Variants in GABRB1 observed in about 807,000 individuals in gnomAD.
GABRB1 encodes the protein gamma-aminobutyric acid type A receptor subunit beta1, also known as gamma-aminobutyric acid receptor subunit beta-1.
In GABRB1, 17 loss-of-function variants were observed where a neutral mutation model predicts 51.6. The observed-to-expected ratio is 0.33, with a 90% CI of 0.23 to 0.49. The LOEUF is 0.49. GABRB1 is among the 20% of genes least tolerant of loss of function. The probability of loss-of-function intolerance (pLI) is 0.99; values close to 1 mark genes in which losing one functional copy is unlikely to be tolerated. For missense variants in GABRB1, 410 were observed against 600.6 expected, an observed-to-expected ratio of 0.68 and a Z score of 3.32; for synonymous variants, 247 against 218.9, an observed-to-expected ratio of 1.13 and a Z score of -1.14.
chr4:47,129,718 A>G (rs1716325225), intron 3 of GABRB1, among the ~76,000 whole-genome samples: 1 of 152,230 alleles, frequency 6.6e-6, no homozygotes, highest in South Asian at 2.1e-4. Context: ...ACTTAAACCA[A>G]GAACAAAGTA....
At chr4:47,335,571 A>G (rs1470962708) in intron 5 of GABRB1, among the ~76,000 whole-genome samples, 1 of 152,132 alleles carries the variant, frequency 6.6e-6, no homozygotes, top group Non-Finnish European at 1.5e-5. Context: ...GTACAGTTAC[A>G]ATAAAACTAA....
At chr4:47,019,940 A>ACG (rs1349840476) in intron 1 of GABRB1, among the ~76,000 whole-genome samples, 3 of 150,504 alleles carry the variant, frequency 2.0e-5, no homozygotes, top group South Asian at 2.1e-4. Context: ...GTATACGTAT[A>ACG]TGTATATGTA....
chr4:47,116,225 T>A (rs761322768), intron 3 of GABRB1, among the ~76,000 whole-genome samples: 1 of 151,162 alleles, frequency 6.6e-6, no homozygotes, highest in East Asian at 1.9e-4. Flanking sequence ...TTGATTTGTG[T>A]TTTTTTTTCC....
At chr4:47,041,517 A>T (rs138776630) in intron 3 of GABRB1, among the ~76,000 whole-genome samples, 2 of 152,150 alleles carry the variant, frequency 1.3e-5, no homozygotes, top group East Asian at 3.9e-4. Flanking sequence ...GAAAAATTAG[A>T]GGTTAGATGC....
At chr4:47,081,853 G>A (rs1727861621) in intron 3 of GABRB1, among the ~76,000 whole-genome samples, 1 of 152,046 alleles carries the variant, frequency 6.6e-6, no homozygotes, top group Non-Finnish European at 1.5e-5. Context: ...GGGGAAAAAT[G>A]AATTAAGCTT....
chr4:47,072,860 CTTAAA>C (rs901481020), intron 3 of GABRB1, among the ~76,000 whole-genome samples: 1 of 152,122 alleles, frequency 6.6e-6, no homozygotes, highest in Non-Finnish European at 1.5e-5. Context: ...TTTGGCAACA[CTTAAA>C]TTAATGCTGC....
intron 4 of GABRB1, among the ~76,000 whole-genome samples, chr4:47,277,841 A>C (rs2109902569): frequency 6.6e-6 from 1 of 152,220 alleles, no homozygotes; most frequent in South Asian, 2.1e-4. Flanking sequence ...CATTACTTTA[A>C]AAGTATATAT....
intron 3 of GABRB1, among the ~76,000 whole-genome samples, chr4:47,036,900 GA>G (rs1324236910): frequency 5.9e-5 from 9 of 151,420 alleles, no homozygotes; most frequent in Non-Finnish European, 1.3e-4. Context: ...GAAAAGTAAA[GA>G]AAAAAAGAAA....
intron 4 of GABRB1, among the ~76,000 whole-genome samples, chr4:47,246,299 T>TATATATATATATATACACACAC (rs1329276891): frequency 1.2e-5 from 1 of 84,170 alleles, no homozygotes; most frequent in African/African-American, 4.7e-5. Flanking sequence ...TATATATATA[T>TATATATATATATATACACACAC]ACACACACAC....
chr4:47,024,174 G>C (rs1008823886), intron 1 of GABRB1, among the ~76,000 whole-genome samples: 1 of 151,638 alleles, frequency 6.6e-6, no homozygotes, highest in African/African-American at 2.4e-5. Context: ...TGTTCTTCTT[G>C]TTGTGTACTC....
chr4:47,276,824 G>A (rs975389179), intron 4 of GABRB1, among the ~76,000 whole-genome samples: 1 of 151,990 alleles, frequency 6.6e-6, no homozygotes. Context: ...CTACCCACTC[G>A]AAGCCAGTAG....
chr4:47,168,554 C>T (rs753055601), intron 4 of GABRB1, among the ~76,000 whole-genome samples: 5 of 152,038 alleles, frequency 3.3e-5, no homozygotes, highest in Non-Finnish European at 5.9e-5. Context: ...AGATTACCTG[C>T]TTTTAGGGTT....
At chr4:47,038,189 C>G (rs969968499) in intron 3 of GABRB1, among the ~76,000 whole-genome samples, 7 of 152,144 alleles carry the variant, frequency 4.6e-5, no homozygotes, top group African/African-American at 1.7e-4. Flanking sequence ...GAGTCAATCA[C>G]AAGAATTTAT....
rs1577955356 is a variant in GABRB1 at position 47,152,325 on chromosome 4, A to C, written c.241-8924A>C. Among the ~76,000 whole-genome samples the C allele has an allele frequency of 2.0e-5, 3 of 152,110 alleles. No homozygotes were observed. The South Asian group carries it at 6.2e-4, about 32-fold the overall frequency. ...CAACTGATGCATTTGATCATTTGCT[A>C]TCCACTGTACACTATGCCAGGGCCC... On this transcript the variant is annotated intron_variant, in intron 3 of 8. Transcript: ENST00000295454.
intron 3 of GABRB1, among the ~76,000 whole-genome samples, chr4:47,037,956 T>C (rs879505344): frequency 2.0e-5 from 3 of 152,106 alleles, no homozygotes; most frequent in African/African-American, 4.8e-5. Flanking sequence ...ACTAGACTAG[T>C]AAAAAATAGC....
chr4:47,223,430 A>G (rs1356827074), intron 4 of GABRB1, among the ~76,000 whole-genome samples: 1 of 152,144 alleles, frequency 6.6e-6, no homozygotes, highest in Non-Finnish European at 1.5e-5. Flanking sequence ...CATAAATGTA[A>G]TGCAGCTATA....
At chr4:47,108,213 G>C (rs1039302322) in intron 3 of GABRB1, among the ~76,000 whole-genome samples, 5 of 152,112 alleles carry the variant, frequency 3.3e-5, no homozygotes, top group Admixed American at 1.3e-4. Context: ...AGGTTTCAGA[G>C]GCCATGGAAT....
intron 8 of GABRB1, among the ~76,000 whole-genome samples, chr4:47,420,967 CACACACACACAG>C (rs897353129): frequency 2.1e-4 from 32 of 149,044 alleles, no homozygotes; most frequent in African/African-American, 7.9e-4. Flanking sequence ...CACACACACA[CACACACACACAG>C]AGTCTGTTAA....
exon 1 of GABRB1, chr4:46,993,842 C>T (rs796447772): frequency 2.0e-4 from 41 of 206,836 alleles, no homozygotes; most frequent in African/African-American, 9.4e-4. Flanking sequence ...GCTCCCCGCC[C>T]ACAGCAGTGT....
Sources: gnomAD v4.1 joint callset for allele counts (sites outside exome capture counted in the v4.1 genomes callset) on GRCh38, gnomAD v4.1.1 for gene constraint, MANE v1.5 for transcripts, NCBI Gene and HGNC (gene_info 2026-07-23, HGNC 2026-07-21) for gene names.